The following ZNF717 variants were observed in gnomAD, a reference collection of about 807,000 sequenced individuals.
The protein encoded by ZNF717 is zinc finger protein 717, also known as krueppel-like factor X17.
A neutral mutation model predicts 13.8 loss-of-function variants in ZNF717; 9 were observed. The ratio of observed to expected loss-of-function variants is 0.65; its 90% CI spans 0.39 to 1.14. The LOEUF is 1.14. Among genes scored for constraint, ZNF717 ranks in the 50% most tolerant of loss-of-function variants. The pLI is 0.01. For missense variants in ZNF717, 1,040 were observed against 1,080.7 expected (o/e 0.96, Z 0.53); for synonymous variants, 327 against 364.1 (o/e 0.90, Z 1.16).
chr3:75,767,175 A>G (rs1250127760), intron 2 of ZNF717, among the ~76,000 whole-genome samples: 1 of 152,242 alleles, frequency 6.6e-6, no homozygotes. Context: ...CCCATGATGG[A>G]AACCATACGG....
intron 2 of ZNF717, among the ~76,000 whole-genome samples, chr3:75,760,204 T>C (rs1942862984): frequency 1.2e-5 from 1 of 81,154 alleles, no homozygotes; most frequent in African/African-American, 4.0e-5. Context: ...AACTTTTATA[T>C]ATTTTTTTTT....
chr3:75,769,764 T>C (rs1943751364), intron 2 of ZNF717, among the ~76,000 whole-genome samples: 1 of 152,238 alleles, frequency 6.6e-6, no homozygotes, highest in Non-Finnish European at 1.5e-5. Flanking sequence ...TTTTAGTCCA[T>C]AAACACTTAG....
At chr3:75,711,733 C>T (rs1432369570) in intron 5 of ZNF717, among the ~76,000 whole-genome samples, 1 of 152,186 alleles carries the variant, frequency 6.6e-6, no homozygotes, top group African/African-American at 2.4e-5. Context: ...GCTTGGGCAA[C>T]AGAGTGAGAC....
At chr3:75,760,625 A>G (rs1030561625) in intron 2 of ZNF717, among the ~76,000 whole-genome samples, 1 of 141,352 alleles carries the variant, frequency 7.1e-6, no homozygotes, top group African/African-American at 2.6e-5. Flanking sequence ...GGAAGCTTAC[A>G]GCTGCAGATG....
At chr3:75,760,376 T>C (rs1283240439) in intron 2 of ZNF717, among the ~76,000 whole-genome samples, 1 of 152,230 alleles carries the variant, frequency 6.6e-6, no homozygotes, top group African/African-American at 2.4e-5. Flanking sequence ...CATTTCTGAG[T>C]TAAGAATGCT....
Position 75,738,158 on chromosome 3 carries a change from G to T in ZNF717, c.1465C>A (p.His489Asn), listed in dbSNP as rs1553661042. Reference sequence around the variant, plus strand: ...TGGATAGTGAGGAATGACTTACGGTGAAACGTTTTCCCACATTCATTGCAT... The same window carrying T: ...TGGATAGTGAGGAATGACTTACGGTTAAACGTTTTCCCACATTCATTGCAT... ...YECNECGKTF[H>N]RKSFLTIHQW... Residue 489 changes from histidine (H) to asparagine (N), a missense_variant, in exon 5 of 5, where the codon CAC becomes AAC. Coordinates refer to ENST00000652011, the MANE Select transcript of ZNF717 (RefSeq NM_001290208.3). 7.3e-7 allele frequency: 1 copy of T among 1,367,764 alleles called. No individual in the cohort carries two copies. Among genetic ancestry groups the T allele is most frequent in the Non-Finnish European group, 9.8e-7 (1 of 1,021,348 alleles). The allele number at this position is 1,367,764 out of a possible 1,614,324, so 84.7% of individuals were successfully genotyped here.
chr3:75,714,219 C>G (rs1321032646), intron 5 of ZNF717, among the ~76,000 whole-genome samples: 1 of 150,014 alleles, frequency 6.7e-6, no homozygotes, highest in East Asian at 2.1e-4. Flanking sequence ...CTTCTCTAAA[C>G]TCCCCCAGGG....
chr3:75,721,348 C>A (rs1938161515), intron 4 of ZNF717, among the ~76,000 whole-genome samples: 1 of 152,334 alleles, frequency 6.6e-6, no homozygotes, highest in East Asian at 1.9e-4. Context: ...GTCGCACGAT[C>A]TCAGCTCACT....
chr3:75,781,050 A>C (rs1396749405), intron 2 of ZNF717, among the ~76,000 whole-genome samples: 1 of 152,278 alleles, frequency 6.6e-6, no homozygotes, highest in Non-Finnish European at 1.5e-5. Flanking sequence ...CTCAAAATTG[A>C]GAAAATAACC....
intron 5 of ZNF717, among the ~76,000 whole-genome samples, chr3:75,713,486 A>T (rs1310459168): frequency 1.3e-5 from 2 of 152,158 alleles, no homozygotes; most frequent in East Asian, 3.9e-4. Context: ...TAGTAACCTT[A>T]AATTATAGTG....
chr3:75,760,031 TTTC>T (rs1441488494), intron 2 of ZNF717, among the ~76,000 whole-genome samples: 4 of 152,082 alleles, frequency 2.6e-5, no homozygotes, highest in South Asian at 2.1e-4. Context: ...AAATTTTTTC[TTTC>T]TTCTTTTTTT....
intron 2 of ZNF717, among the ~76,000 whole-genome samples, chr3:75,777,230 A>AGCAGAAAC (rs1348546013): frequency 6.6e-6 from 1 of 152,230 alleles, no homozygotes; most frequent in African/African-American, 2.4e-5. Flanking sequence ...GACATGCTAA[A>AGCAGAAAC]CCAGAAACCC....
chr3:75,782,687 T>C (rs1010202138), intron 2 of ZNF717, among the ~76,000 whole-genome samples: 2 of 142,804 alleles, frequency 1.4e-5, no homozygotes, highest in Admixed American at 7.0e-5. Context: ...AGATGACCAT[T>C]TCCACTACAC....
At chr3:75,747,318 G>C (rs1465451495) in intron 2 of ZNF717, among the ~76,000 whole-genome samples, 1 of 152,076 alleles carries the variant, frequency 6.6e-6, no homozygotes, top group Non-Finnish European at 1.5e-5. Flanking sequence ...TGTTCTTTTG[G>C]CTTAGGACTG....
chr3:75,774,658 T>C (rs1194300594), intron 2 of ZNF717, among the ~76,000 whole-genome samples: 2 of 130,682 alleles, frequency 1.5e-5, no homozygotes. Context: ...TCTTGCTCTG[T>C]CACCCAGGCT....
In ZNF717 at chr3:75,760,051, C is replaced by T. The variant is rs7612906; in HGVS notation, c.58-18315G>A. 3.4e-3 allele frequency among the ~76,000 whole-genome samples: 521 copies of T among 152,036 alleles called. 1 individual carries two copies. The highest frequency in any genetic ancestry group is 0.011 in the African/African-American group (475 of 41,482). Reference sequence around the variant, plus strand: ...TTTTCTTTCTTCTTTTTTTTTGAGACGGAGTCTCACTCTGTCACCCAGGCT... The same window carrying T: ...TTTTCTTTCTTCTTTTTTTTTGAGATGGAGTCTCACTCTGTCACCCAGGCT... On this transcript the variant is annotated intron_variant, in intron 2 of 4. Transcript: ENST00000652011.
chr3:75,749,102 C>T (rs1231858349), intron 2 of ZNF717, among the ~76,000 whole-genome samples: 1 of 151,908 alleles, frequency 6.6e-6, no homozygotes, highest in Non-Finnish European at 1.5e-5. Flanking sequence ...CTGCTGGGGT[C>T]TGAGTGATTG....
downstream of ZNF717, among the ~76,000 whole-genome samples, chr3:75,731,525 C>T (rs3009036): frequency 0.79 from 116,554 of 148,054 alleles, 44,638 homozygotes; most frequent in East Asian, 0.85. Flanking sequence ...TGCACCACTG[C>T]ACTCCAGCCT....
intron 6 of ZNF717, among the ~76,000 whole-genome samples, chr3:75,700,391 GA>G (rs35600771): frequency 6.2e-5 from 7 of 113,724 alleles, no homozygotes; most frequent in South Asian, 2.6e-4. Context: ...AGACACCATC[GA>G]AAAAAAAAAA....
Sources: allele counts gnomAD v4.1 joint callset (sites outside exome capture counted in the v4.1 genomes callset), GRCh38; gene constraint gnomAD v4.1.1; transcripts MANE v1.5; gene names NCBI Gene and HGNC (gene_info 2026-07-23, HGNC 2026-07-21).